The following ERBB4 variants were observed in gnomAD, a reference collection of about 807,000 sequenced individuals.
ERBB4 encodes the protein erb-b2 receptor tyrosine kinase 4.
Under a neutral mutation model 158.0 loss-of-function variants are expected in ERBB4, and 42 were observed. That is an observed-to-expected ratio of 0.27 (90% CI 0.21 to 0.34). ERBB4 has a LOEUF of 0.34. Ranked by LOEUF, ERBB4 falls within the 10% of genes least tolerant of loss-of-function variation. The pLI is 1.00. For missense variants in ERBB4, 1,333 were observed against 1,624.1 expected, an observed-to-expected ratio of 0.82 and a Z score of 3.08; for synonymous variants, 583 against 558.7, an observed-to-expected ratio of 1.04 and a Z score of -0.61.
chr2:212,373,358 T>C (rs1167910360), intron 1 of ERBB4, among the ~76,000 whole-genome samples: 1 of 152,080 alleles, frequency 6.6e-6, no homozygotes, highest in Non-Finnish European at 1.5e-5. Context: ...CACCTCTTGT[T>C]AAATTATTAA....
intron 12 of ERBB4, among the ~76,000 whole-genome samples, chr2:211,689,028 T>C (rs2887994): frequency 0.38 from 58,132 of 151,916 alleles, 12,766 homozygotes; most frequent in East Asian, 0.99. Context: ...CTAGACTCTC[T>C]TCCCCTGAAA....
chr2:211,948,075 A>G (rs550197209), intron 2 of ERBB4, among the ~76,000 whole-genome samples: 21 of 152,300 alleles, frequency 1.4e-4, no homozygotes, highest in African/African-American at 3.8e-4. Flanking sequence ...GTTTGGTGCT[A>G]TATTTATCAA....
intron 1 of ERBB4, among the ~76,000 whole-genome samples, chr2:212,173,403 CA>C (rs1206099247): frequency 6.6e-6 from 1 of 152,062 alleles, no homozygotes; most frequent in Non-Finnish European, 1.5e-5. Flanking sequence ...GTAGCAAAGG[CA>C]AAGGCCTTGA....
intron 2 of ERBB4, among the ~76,000 whole-genome samples, chr2:211,950,226 C>T (rs1194847134): frequency 6.6e-6 from 1 of 152,138 alleles, no homozygotes; most frequent in Non-Finnish European, 1.5e-5. Flanking sequence ...ATTGTGCCAC[C>T]AATGTGCATA....
intron 1 of ERBB4, among the ~76,000 whole-genome samples, chr2:212,419,773 T>C (rs772089071): frequency 3.9e-5 from 6 of 152,038 alleles, no homozygotes; most frequent in South Asian, 2.1e-4. Context: ...AATCAATCCA[T>C]ACATAGAACT....
At chr2:212,424,949 A>G (rs952136404) in intron 1 of ERBB4, among the ~76,000 whole-genome samples, 1 of 152,048 alleles carries the variant, frequency 6.6e-6, no homozygotes, top group African/African-American at 2.4e-5. Context: ...AGTTATACAT[A>G]AAGAAAAATA....
At chr2:212,455,364 T>C (rs925299416) in intron 1 of ERBB4, among the ~76,000 whole-genome samples, 12 of 152,170 alleles carry the variant, frequency 7.9e-5, no homozygotes, top group South Asian at 2.1e-4. Context: ...CCTAATCTTA[T>C]CGTTTTCTCA....
intron 1 of ERBB4, among the ~76,000 whole-genome samples, chr2:212,126,848 A>G (rs1420848768): frequency 6.6e-6 from 1 of 152,212 alleles, no homozygotes; most frequent in Non-Finnish European, 1.5e-5. Flanking sequence ...CTAGATGGGT[A>G]TAGCCTAATA....
intron 19 of ERBB4, among the ~76,000 whole-genome samples, chr2:211,578,998 T>G (rs935188794): frequency 1.3e-5 from 2 of 151,996 alleles, no homozygotes; most frequent in Non-Finnish European, 2.9e-5. Flanking sequence ...AGAAACTACC[T>G]TCAAAGCAAA....
chr2:212,214,025 T>C (rs2083018068), intron 1 of ERBB4, among the ~76,000 whole-genome samples: 1 of 151,892 alleles, frequency 6.6e-6, no homozygotes, highest in African/African-American at 2.4e-5. Flanking sequence ...AGTTGAGGTA[T>C]TCAGAATCCA....
chr2:211,722,621 T>C (rs2074140431), intron 6 of ERBB4, 87 bp from the exon 7 acceptor site: 1 of 1,309,938 alleles, frequency 7.6e-7, no homozygotes, highest in Admixed American at 1.8e-5. Context: ...GAAGTTTTTT[T>C]CTATAATAAT....
Position 211,711,447 on chromosome 2 carries a change from G to A in ERBB4, c.1124+603C>T, listed in dbSNP as rs529669190. The stretch of plus-strand genomic sequence containing the variant: ...AACTTGTTTGTTTTCCAGTTAAAAC[G>A]AGTAGGGGGTCCTGTAATGAAGGAG... On this transcript the variant is annotated intron_variant, in intron 9 of 27. Coordinates refer to ENST00000342788, the MANE Select transcript of ERBB4 (RefSeq NM_005235.3). Among the ~76,000 whole-genome samples, 15 of 152,230 alleles carry A rather than the reference G, an allele frequency of 9.9e-5. No individual in the cohort carries two copies. In the East Asian group the frequency reaches 2.1e-3, roughly 22 times the overall value.
At chr2:212,003,204 AGACAGAAAGAAGGAAGGAAGGAAGGAAG>A (rs1236981166) in intron 2 of ERBB4, among the ~76,000 whole-genome samples, 14 of 48,818 alleles carry the variant, frequency 2.9e-4, no homozygotes, top group South Asian at 7.7e-4. Context: ...AAAGAAAGAA[AGACAGAAAGAAGGAAGGAAGGAAGGAAG>A]GAAGGAAGGA....
At chr2:211,564,066 T>C (rs1212352906) in intron 19 of ERBB4, among the ~76,000 whole-genome samples, 1 of 152,096 alleles carries the variant, frequency 6.6e-6, no homozygotes, top group Non-Finnish European at 1.5e-5. Context: ...TTCATTATAC[T>C]GACAAAAAAA....
chr2:211,566,534 T>C (rs995681742), intron 19 of ERBB4, among the ~76,000 whole-genome samples: 5 of 152,142 alleles, frequency 3.3e-5, no homozygotes, highest in Non-Finnish European at 2.9e-5. Flanking sequence ...CAGTAAACAT[T>C]TGAAATAAAG....
chr2:212,000,714 TAAG>T lies in ERBB4; in HGVS notation c.235-53101_235-53099del, dbSNP rs983206423. 7.9e-5 allele frequency among the ~76,000 whole-genome samples: 12 copies of T among 151,838 alleles called. No individual in the cohort carries two copies. In the South Asian group the frequency reaches 8.3e-4, roughly 10 times the overall value. On this transcript the variant is annotated intron_variant, in intron 2 of 27. Coordinates refer to ENST00000342788, the MANE Select transcript of ERBB4 (RefSeq NM_005235.3). ...ATTCATAAAACCCTAACAATATTGT[TAAG>T]AAGGTCAGAAAAAATGTCTACCAAA...
At chr2:212,420,304 A>C (rs2091763963) in intron 1 of ERBB4, among the ~76,000 whole-genome samples, 1 of 152,112 alleles carries the variant, frequency 6.6e-6, no homozygotes, top group Admixed American at 6.6e-5. Context: ...TAGGCATATA[A>C]GAAATGATAT....
At chr2:211,528,219 GA>G (rs1218199738) in intron 20 of ERBB4, among the ~76,000 whole-genome samples, 1 of 151,946 alleles carries the variant, frequency 6.6e-6, no homozygotes, top group Non-Finnish European at 1.5e-5. Context: ...ATTTATATCA[GA>G]CAAAATAGAT....
intron 11 of ERBB4, among the ~76,000 whole-genome samples, chr2:211,702,558 T>C (rs552778921): frequency 3.9e-5 from 6 of 152,312 alleles, no homozygotes; most frequent in African/African-American, 1.4e-4. Flanking sequence ...AATTCCTCTT[T>C]ATGTAATAGA....
Sources: gnomAD v4.1 joint callset for allele counts (sites outside exome capture counted in the v4.1 genomes callset) on GRCh38, gnomAD v4.1.1 for gene constraint, MANE v1.5 for transcripts, NCBI Gene and HGNC (gene_info 2026-07-23, HGNC 2026-07-21) for gene names.